CXADR: variants seen among roughly 807,000 people sequenced by gnomAD.
CXADR encodes the protein CXADR cell adhesion molecule, also known as coxsackievirus and adenovirus receptor.
A neutral mutation model predicts 40.3 loss-of-function variants in CXADR; 20 were observed. That is an observed-to-expected ratio of 0.50 (90% CI 0.35 to 0.72). The LOEUF is 0.72. Ranked by LOEUF, CXADR falls within the 30% of genes least tolerant of loss-of-function variation. The pLI, the probability that CXADR is intolerant of heterozygous loss-of-function variation, is 0.01. For missense variants in CXADR, 332 were observed against 449.1 expected (o/e 0.74, Z 2.36); for synonymous variants, 150 against 161.3 (o/e 0.93, Z 0.53).
the CXADR span, among the ~76,000 whole-genome samples, chr21:17,614,278 T>C: frequency 1.3e-5 from 2 of 152,176 alleles, no homozygotes; most frequent in African/African-American, 2.4e-5. Context: ...TTTCATAAAA[T>C]AGCTAGGTAA....
chr21:17,571,241 A>G (rs1398661988), downstream of CXADR, among the ~76,000 whole-genome samples: 1 of 152,214 alleles, frequency 6.6e-6, no homozygotes, highest in Non-Finnish European at 1.5e-5. Context: ...TCAGTTTCCT[A>G]GTGCTTAAAA....
chr21:17,578,287 C>T (rs965558486), intron 7 of CXADR, among the ~76,000 whole-genome samples: 1 of 152,164 alleles, frequency 6.6e-6, no homozygotes, highest in Non-Finnish European at 1.5e-5. Flanking sequence ...CCAGCACTTA[C>T]CTTTGGTTTG....
chr21:17,540,141 G>C (rs1353558958), intron 1 of CXADR, among the ~76,000 whole-genome samples: 1 of 152,124 alleles, frequency 6.6e-6, no homozygotes, highest in East Asian at 1.9e-4. Context: ...AGAGTGCTCC[G>C]GTATTTCCTT....
the CXADR span, among the ~76,000 whole-genome samples, chr21:17,614,480 A>G: frequency 3.9e-5 from 6 of 152,200 alleles, no homozygotes; most frequent in South Asian, 1.0e-3. Context: ...ACTGTAGCTC[A>G]TGCCTGTAAT....
chr21:17,570,796 C>T (rs2061271781), downstream of CXADR, among the ~76,000 whole-genome samples: 1 of 152,180 alleles, frequency 6.6e-6, no homozygotes, highest in African/African-American at 2.4e-5. Context: ...TTTTCATTCA[C>T]TGTAAATGTT....
At chr21:17,517,226 TC>T (rs1448083317) in intron 1 of CXADR, among the ~76,000 whole-genome samples, 1 of 152,194 alleles carries the variant, frequency 6.6e-6, no homozygotes, top group Non-Finnish European at 1.5e-5. Context: ...AACGTAAGCT[TC>T]TATTAGACAG....
intron 3 of CXADR, among the ~76,000 whole-genome samples, chr21:17,556,941 G>C (rs2061043347): frequency 6.6e-6 from 1 of 152,176 alleles, no homozygotes; most frequent in Non-Finnish European, 1.5e-5. Context: ...ATTTCTTACA[G>C]TGTTAAAATA....
chr21:17,625,120 A>G, the CXADR span, among the ~76,000 whole-genome samples: 1 of 152,162 alleles, frequency 6.6e-6, no homozygotes, highest in Non-Finnish European at 1.5e-5. Context: ...AAAATGTTCA[A>G]TAAATATTTG....
chr21:17,519,775 A>G (rs1440940867), intron 1 of CXADR, among the ~76,000 whole-genome samples: 1 of 152,160 alleles, frequency 6.6e-6, no homozygotes, highest in Non-Finnish European at 1.5e-5. Flanking sequence ...CCTGGCCAAC[A>G]TGGTGAAACC....
intron 1 of CXADR, among the ~76,000 whole-genome samples, chr21:17,536,614 A>G (rs187032643): frequency 6.6e-6 from 1 of 152,328 alleles, no homozygotes; most frequent in African/African-American, 2.4e-5. Context: ...AAGCACGTTC[A>G]CTTCCAGTTA....
At chr21:17,625,215 C>G in the CXADR span, among the ~76,000 whole-genome samples, 1 of 136,738 alleles carries the variant, frequency 7.3e-6, no homozygotes, top group Non-Finnish European at 1.6e-5. Flanking sequence ...TGAATTTTAC[C>G]TAAGGAACTA....
In CXADR at chr21:17,565,681, T is replaced by C. The variant is rs2061197957; in HGVS notation, c.1087T>C (p.Ser363Pro). Residue 363 changes from serine (S) to proline (P), a missense_variant, in exon 7 of 7, where the codon TCT becomes CCT. By Grantham distance (74) the Ser-to-Pro change is moderately conservative. This residue lies in a region of CXADR where 150 missense variants were observed against 194.2 expected (regional missense o/e 0.77). Transcript: ENST00000284878. ...VMIPAQSKDG[S>P]IV Reference sequence around the variant, plus strand: ...GATTCCAGCACAGAGCAAGGATGGGTCTATAGTATAGAGCCTCCATATGTC... The same window carrying C: ...GATTCCAGCACAGAGCAAGGATGGGCCTATAGTATAGAGCCTCCATATGTC... 6.2e-7 allele frequency: 1 copy of C among 1,611,916 alleles called. No homozygotes were observed. The highest frequency in any genetic ancestry group is 2.2e-5 in the East Asian group (1 of 44,868).
intron 1 of CXADR, among the ~76,000 whole-genome samples, chr21:17,537,169 A>G (rs866648283): frequency 2.0e-5 from 3 of 152,256 alleles, no homozygotes; most frequent in Non-Finnish European, 4.4e-5. Flanking sequence ...AGTGTTCCAC[A>G]CATGTGGACT....
In CXADR at chr21:17,568,394, C is replaced by T. The variant is rs2061241340; in HGVS notation, c.*2702C>T. 2.1e-6 allele frequency: 2 copies of T among 974,596 alleles called. No individual in the cohort carries two copies. Among genetic ancestry groups the T allele is most frequent in the Middle Eastern group, 5.3e-4 (1 of 1,896 alleles). 60.4% of individuals were successfully genotyped at this position (974,596 alleles called of 1,614,324 possible). A position where few individuals can be genotyped will look rare whatever the true frequency, so the allele number is the denominator to read the frequency against. Reference sequence around the variant, plus strand: ...CTGCCTGCCTCGGCCTCCCAAAGTGCTGGGATTACAGGCGTGAACCACTGC... The same window carrying T: ...CTGCCTGCCTCGGCCTCCCAAAGTGTTGGGATTACAGGCGTGAACCACTGC... On this transcript the variant is annotated 3_prime_UTR_variant, in exon 7 of 7. Coordinates refer to ENST00000284878, the MANE Select transcript of CXADR (RefSeq NM_001338.5).
chr21:17,518,513 C>T, intron 1 of CXADR: 1 of 922,750 alleles, frequency 1.1e-6, no homozygotes, highest in Non-Finnish European at 1.8e-6. Flanking sequence ...TGCCAGCTTC[C>T]AAAAACCATG....
chr21:17,542,737 TAAG>T (rs1454659279), intron 1 of CXADR, among the ~76,000 whole-genome samples: 1 of 152,244 alleles, frequency 6.6e-6, no homozygotes, highest in Non-Finnish European at 1.5e-5. Flanking sequence ...AATAAAATTG[TAAG>T]AAGATCTGAT....
rs995518840 is a variant in CXADR, at chr21:17,569,926, C to T, written c.*4234C>T. 4.3e-5 allele frequency: 42 copies of T among 985,250 alleles called. No homozygotes were observed. Among genetic ancestry groups the T allele is most frequent in the Non-Finnish European group, 4.9e-5 (41 of 829,918 alleles). 61.0% of individuals were successfully genotyped at this position (985,250 alleles called of 1,614,324 possible). ...CTGAGGAAAATATTCTGACACTTCA[C>T]GTGTGCAAAGTATAGAACTGACAGT... On this transcript the variant is annotated 3_prime_UTR_variant, in exon 7 of 7. Coordinates refer to ENST00000284878, the MANE Select transcript of CXADR (RefSeq NM_001338.5).
chr21:17,540,321 G>T (rs191084052), intron 1 of CXADR, among the ~76,000 whole-genome samples: 1 of 152,138 alleles, frequency 6.6e-6, no homozygotes. Context: ...TCCCCCAAAA[G>T]TATTTTTATT....
At chr21:17,579,882 A>AC (rs957277603) in intron 7 of CXADR, among the ~76,000 whole-genome samples, 69 of 137,026 alleles carry the variant, frequency 5.0e-4, no homozygotes, top group Non-Finnish European at 8.8e-4. Flanking sequence ...GTTGTATTTT[A>AC]TTAAAAAAAA....
Sources: gnomAD v4.1 joint callset for allele counts (sites outside exome capture counted in the v4.1 genomes callset) on GRCh38, gnomAD v4.1.1 for gene constraint, gnomAD v4.1.1 regional missense constraint, MANE v1.5 for transcripts, NCBI Gene and HGNC (gene_info 2026-07-23, HGNC 2026-07-21) for gene names.